The following KCNQ5 variants were observed in gnomAD, a reference collection of about 807,000 sequenced individuals.
KCNQ5 encodes potassium voltage-gated channel subfamily KQT member 5.
In KCNQ5, 30 loss-of-function variants were observed where a neutral mutation model predicts 98.2. That is an observed-to-expected ratio of 0.31 (90% confidence interval 0.23 to 0.41). The LOEUF is 0.41. KCNQ5 is among the 10% of genes least tolerant of loss of function. KCNQ5 has a pLI of 1.00. For missense variants in KCNQ5, 835 were observed against 1,182.5 expected, an observed-to-expected ratio of 0.71 and a Z score of 4.31; for synonymous variants, 458 against 449.4, an observed-to-expected ratio of 1.02 and a Z score of -0.24.
chr6:73,062,195 C>T (rs1324095223), intron 3 of KCNQ5, among the ~76,000 whole-genome samples: 1 of 152,114 alleles, frequency 6.6e-6, no homozygotes, highest in Non-Finnish European at 1.5e-5. Flanking sequence ...TTCATTATGG[C>T]TTCATCTATG....
intron 1 of KCNQ5, among the ~76,000 whole-genome samples, chr6:72,875,885 GC>G (rs1778387117): frequency 6.6e-6 from 1 of 151,892 alleles, no homozygotes; most frequent in Non-Finnish European, 1.5e-5. Context: ...AATTTCATGT[GC>G]TATCTTCCCT....
chr6:73,092,271 CT>C (rs1269613259), intron 5 of KCNQ5, among the ~76,000 whole-genome samples: 1 of 152,052 alleles, frequency 6.6e-6, no homozygotes, highest in Non-Finnish European at 1.5e-5. Flanking sequence ...GTTCTAGGAG[CT>C]TTCTGGAGGA....
rs1421160567 is a variant in KCNQ5 at position 72,839,676 on chromosome 6, T to A, written c.399-164232T>A. 2.0e-5 allele frequency among the ~76,000 whole-genome samples: 3 copies of A among 152,206 alleles called. No homozygotes were observed. In the East Asian group the frequency reaches 5.8e-4, roughly 29 times the overall value. On this transcript the variant is annotated intron_variant, in intron 1 of 13. Coordinates refer to ENST00000370398, the MANE Select transcript of KCNQ5 (RefSeq NM_019842.4). ...TTTTTTATTTATTTTAAGTTTTTGA[T>A]TGACAAATTATAAATGTATATTTTT... is the stretch of plus-strand genomic sequence containing the variant.
At position 73,195,044 on chromosome 6, in the gene KCNQ5, T is replaced by C. The variant is rs1562230035; in HGVS notation, c.2429T>C (p.Met810Thr). 6.2e-7 allele frequency: 1 copy of C among 1,614,172 alleles called. No individual in the cohort carries two copies. The highest frequency in any genetic ancestry group is 2.2e-5 in the East Asian group (1 of 44,882). ...KDRSMRKSFD[M>T]GGETLLSVCP... The stretch of plus-strand genomic sequence containing the variant: ...CGTTCTATGAGGAAAAGCTTTGACA[T>C]GGGAGGAGAAACTCTGTTGTCTGTC... The change falls in exon 14 of 14, where the codon ATG becomes ACG. Residue 810 changes from methionine to threonine, a missense_variant. Met to Thr is a moderately conservative substitution (Grantham distance 81). Coordinates refer to ENST00000370398, the MANE Select transcript of KCNQ5 (RefSeq NM_019842.4).
At chr6:72,953,233 G>C (rs1294763743) in intron 1 of KCNQ5, among the ~76,000 whole-genome samples, 1 of 152,196 alleles carries the variant, frequency 6.6e-6, no homozygotes, top group Non-Finnish European at 1.5e-5. Context: ...CAGTGAAGAT[G>C]TTTTTAAAAT....
At chr6:72,892,837 G>GT (rs969633963) in intron 1 of KCNQ5, among the ~76,000 whole-genome samples, 30 of 151,576 alleles carry the variant, frequency 2.0e-4, no homozygotes, top group Non-Finnish European at 2.9e-4. Context: ...TCAGAGTTGG[G>GT]TTTTTTTTCC....
chr6:72,644,683 G>A (rs1353215826), intron 1 of KCNQ5, among the ~76,000 whole-genome samples: 2 of 152,148 alleles, frequency 1.3e-5, no homozygotes, highest in Non-Finnish European at 2.9e-5. Flanking sequence ...GGGCTGTGGG[G>A]AAGGAATGAG....
chr6:72,995,370 A>C (rs75299826), intron 1 of KCNQ5, among the ~76,000 whole-genome samples: 7 of 146,540 alleles, frequency 4.8e-5, no homozygotes, highest in South Asian at 2.1e-4. Flanking sequence ...CTCTGTCTCA[A>C]AAAAAAAAAA....
intron 1 of KCNQ5, among the ~76,000 whole-genome samples, chr6:72,815,131 G>A (rs915733714): frequency 3.3e-5 from 5 of 152,076 alleles, no homozygotes; most frequent in African/African-American, 9.7e-5. Flanking sequence ...TTTAGAAGAT[G>A]CAAAGCAGAA....
At chr6:73,190,019 T>C (rs1307666585) in intron 11 of KCNQ5, among the ~76,000 whole-genome samples, 3 of 151,524 alleles carry the variant, frequency 2.0e-5, no homozygotes, top group African/African-American at 4.8e-5. Flanking sequence ...AAGTGTATTA[T>C]GTTTAAAACA....
intron 1 of KCNQ5, among the ~76,000 whole-genome samples, chr6:72,681,147 G>T (rs369066841): frequency 1.3e-5 from 2 of 152,188 alleles, no homozygotes; most frequent in Non-Finnish European, 2.9e-5. Flanking sequence ...TATAGAGCAC[G>T]CAGATCCTGC....
intron 1 of KCNQ5, among the ~76,000 whole-genome samples, chr6:72,654,452 A>C (rs1299638569): frequency 1.3e-5 from 2 of 152,092 alleles, no homozygotes. Context: ...CAGTAAACCA[A>C]GGATGGAAAT....
intron 10 of KCNQ5, among the ~76,000 whole-genome samples, chr6:73,149,641 CA>C (rs368221650): frequency 1.8e-4 from 27 of 151,880 alleles, no homozygotes; most frequent in Non-Finnish European, 2.6e-4. Context: ...ACTAAAAATA[CA>C]AAAAATTAGC....
Position 72,835,095 on chromosome 6 carries a change from A to G in KCNQ5, c.399-168813A>G, listed in dbSNP as rs550513223. ...TTTTTTTCTTTACAAGCAGGGTACA[A>G]CATGAATTTTCTCCAGACACTGTAA... On this transcript the variant is annotated intron_variant, in intron 1 of 13. Transcript: ENST00000370398. Among the ~76,000 whole-genome samples the G allele has an allele frequency of 1.2e-3, 190 of 152,274 alleles. 1 individual carries two copies. The highest frequency in any genetic ancestry group is 4.5e-3 in the African/African-American group (185 of 41,556).
At chr6:73,188,982 CAA>C (rs67431655) in intron 11 of KCNQ5, among the ~76,000 whole-genome samples, 6,644 of 82,406 alleles carry the variant, frequency 0.081, 95 homozygotes, top group African/African-American at 0.13. Context: ...GACTCTGTCT[CAA>C]AAAAAAAAAA....
At chr6:73,001,215 A>T (rs1013673362) in intron 1 of KCNQ5, among the ~76,000 whole-genome samples, 9 of 152,140 alleles carry the variant, frequency 5.9e-5, no homozygotes, top group African/African-American at 2.2e-4. Flanking sequence ...CAGCCTCTGT[A>T]GCATTTTTCT....
chr6:72,779,016 G>A (rs545703739), intron 1 of KCNQ5, among the ~76,000 whole-genome samples: 63 of 152,332 alleles, frequency 4.1e-4, no homozygotes, highest in African/African-American at 1.4e-3. Flanking sequence ...GGTGGATTGA[G>A]GAGTATGTGA....
chr6:72,864,449 T>C (rs570522142), intron 1 of KCNQ5, among the ~76,000 whole-genome samples: 9 of 152,318 alleles, frequency 5.9e-5, no homozygotes, highest in Non-Finnish European at 8.8e-5. Context: ...TGAGAAAATC[T>C]GGGTCAGTAC....
Position 73,003,938 on chromosome 6 carries a change from G to A in KCNQ5, c.429G>A (p.Leu143=), listed in dbSNP as rs1582174176. The change falls in exon 2 of 14, where the codon TTG becomes TTA. Residue 143 remains leucine (L), a synonymous_variant. Coordinates refer to ENST00000370398, the MANE Select transcript of KCNQ5 (RefSeq NM_019842.4). ...VFLLVFGCLI[L]SVFSTIPEHT... ...TCCTTGTCTTTGGTTGCTTGATTTT[G>A]TCAGTGTTTTCTACCATCCCTGAGC... 6.2e-7 allele frequency: 1 copy of A among 1,613,244 alleles called. No individual in the cohort carries two copies. Among genetic ancestry groups the A allele is most frequent in the Non-Finnish European group, 8.5e-7 (1 of 1,179,456 alleles).
Sources: gnomAD v4.1 joint callset for allele counts (sites outside exome capture counted in the v4.1 genomes callset) on GRCh38, gnomAD v4.1.1 for gene constraint, MANE v1.5 for transcripts, NCBI Gene and HGNC (gene_info 2026-07-23, HGNC 2026-07-21) for gene names.